The following CSMD1 variants were observed in gnomAD, a reference collection of about 807,000 sequenced individuals.
CSMD1 encodes the protein CUB and sushi domain-containing protein 1.
CSMD1 carries 213 observed loss-of-function variants against 417.5 expected under a neutral mutation model. The ratio of observed to expected loss-of-function variants is 0.51; its 90% CI spans 0.46 to 0.57. The LOEUF is 0.57. Among genes scored for constraint, CSMD1 ranks in the 20% least tolerant of loss-of-function variants. CSMD1 has a pLI of 0.00. For synonymous variants in CSMD1, 2,862 were observed against 1,736.8 expected (o/e 1.65, Z -16.11); for missense variants, 6,923 against 4,529.7 (o/e 1.53, Z -15.17).
intron 5 of CSMD1, among the ~76,000 whole-genome samples, chr8:3,815,859 G>C (rs115227943): frequency 6.6e-6 from 1 of 152,120 alleles, no homozygotes; most frequent in Admixed American, 6.5e-5. Context: ...AGAAACTAGA[G>C]CCAGTGATGC....
intron 6 of CSMD1, among the ~76,000 whole-genome samples, chr8:3,710,232 T>C (rs1278687131): frequency 6.6e-6 from 1 of 152,140 alleles, no homozygotes; most frequent in Non-Finnish European, 1.5e-5. Context: ...GAACAGAGTC[T>C]AAAAATAAGT....
intron 7 of CSMD1, among the ~76,000 whole-genome samples, chr8:3,621,601 T>C (rs1796245601): frequency 6.6e-6 from 1 of 152,092 alleles, no homozygotes; most frequent in Non-Finnish European, 1.5e-5. Context: ...TTACTTTTTT[T>C]TCTTTTTTTG....
intron 3 of CSMD1, among the ~76,000 whole-genome samples, chr8:4,061,084 T>C (rs1014151295): frequency 3.9e-5 from 6 of 152,214 alleles, no homozygotes; most frequent in Non-Finnish European, 8.8e-5. Flanking sequence ...GTTTGTTGTA[T>C]TATTTTTGTT....
intron 3 of CSMD1, among the ~76,000 whole-genome samples, chr8:4,060,517 G>C (rs1457930405): frequency 6.6e-6 from 1 of 152,158 alleles, no homozygotes; most frequent in African/African-American, 2.4e-5. Flanking sequence ...GAAAAACAAA[G>C]GGGATGTCGG....
intron 3 of CSMD1, among the ~76,000 whole-genome samples, chr8:4,104,270 T>G (rs1488641276): frequency 2.0e-5 from 3 of 152,348 alleles, no homozygotes; most frequent in African/African-American, 7.2e-5. Context: ...TCTCACTCCA[T>G]CTTTTCTTTT....
chr8:3,320,659 C>T (rs1429152755), intron 23 of CSMD1, among the ~76,000 whole-genome samples: 1 of 152,188 alleles, frequency 6.6e-6, no homozygotes, highest in Non-Finnish European at 1.5e-5. Flanking sequence ...CATTGGGACG[C>T]AAGAGCGCAG....
chr8:4,454,522 G>C lies in CSMD1; in HGVS notation c.303-34457C>G, dbSNP rs557277249. On this transcript the variant is annotated intron_variant, in intron 2 of 69. Transcript: ENST00000635120. Reference sequence around the variant, plus strand: ...TACAATCCTTGGAAGCAAAGAAAAAGTGTGGTTTCTGATTTCTAATACAGA... The same window carrying C: ...TACAATCCTTGGAAGCAAAGAAAAACTGTGGTTTCTGATTTCTAATACAGA... Among the ~76,000 whole-genome samples, 10 of 152,250 alleles carry C rather than the reference G, an allele frequency of 6.6e-5. No individual in the cohort carries two copies. The East Asian group carries it at 7.8e-4, about 12-fold the overall frequency.
chr8:3,292,220 A>T (rs978569416), intron 25 of CSMD1, among the ~76,000 whole-genome samples: 1 of 151,986 alleles, frequency 6.6e-6, no homozygotes, highest in Non-Finnish European at 1.5e-5. Flanking sequence ...GTTCCTTTAC[A>T]TTTGCTGAGG....
chr8:4,518,047 C>T (rs1010380762), intron 2 of CSMD1, among the ~76,000 whole-genome samples: 4 of 152,130 alleles, frequency 2.6e-5, no homozygotes, highest in South Asian at 2.1e-4. Context: ...CTGCACAGCT[C>T]ACGGAAAGGT....
At chr8:3,048,237 G>T (rs561470266) in intron 50 of CSMD1, among the ~76,000 whole-genome samples, 26 of 152,156 alleles carry the variant, frequency 1.7e-4, no homozygotes, top group African/African-American at 6.0e-4. Context: ...CGATCTTGTA[G>T]GAAACTGGGA....
chr8:4,897,867 T>G (rs1409609081), intron 1 of CSMD1, among the ~76,000 whole-genome samples: 1 of 152,152 alleles, frequency 6.6e-6, no homozygotes, highest in Admixed American at 6.5e-5. Flanking sequence ...CTAGATTTTG[T>G]AGTCTCTACA....
At chr8:3,431,802 T>C (rs905815896) in intron 12 of CSMD1, among the ~76,000 whole-genome samples, 16 of 152,214 alleles carry the variant, frequency 1.1e-4, no homozygotes, top group Admixed American at 2.0e-4. Flanking sequence ...TTCATAACAT[T>C]GGAGAAAACA....
chr8:4,964,502 C>A (rs4242495), intron 1 of CSMD1, among the ~76,000 whole-genome samples: 78,166 of 106,464 alleles, frequency 0.73, 27,616 homozygotes, highest in Middle Eastern at 0.83. Flanking sequence ...ACCCTGTCTC[C>A]AAAAAAAAAA....
At chr8:4,846,981 T>A (rs751983594) in intron 1 of CSMD1, among the ~76,000 whole-genome samples, 1 of 152,184 alleles carries the variant, frequency 6.6e-6, no homozygotes, top group African/African-American at 2.4e-5. Flanking sequence ...TCAAGATCCC[T>A]TACATCATTT....
At chr8:4,685,597 G>C (rs1335000878) in intron 1 of CSMD1, among the ~76,000 whole-genome samples, 4 of 151,882 alleles carry the variant, frequency 2.6e-5, no homozygotes, top group Non-Finnish European at 5.9e-5. Context: ...AAGAAAGAAA[G>C]AAAGAAAGAA....
chr8:3,621,972 TCTC>T (rs1796264126), intron 7 of CSMD1, among the ~76,000 whole-genome samples: 1 of 135,628 alleles, frequency 7.4e-6, no homozygotes. Flanking sequence ...TGTCTCTCTC[TCTC>T]TTTGTGTGTG....
chr8:4,918,544 C>G (rs956855843), intron 1 of CSMD1, among the ~76,000 whole-genome samples: 3 of 151,838 alleles, frequency 2.0e-5, no homozygotes, highest in African/African-American at 4.8e-5. Flanking sequence ...AAAAAAAAAG[C>G]CAATTTCCAA....
intron 7 of CSMD1, among the ~76,000 whole-genome samples, chr8:3,656,155 G>C (rs1293714035): frequency 6.6e-6 from 1 of 152,254 alleles, no homozygotes; most frequent in Non-Finnish European, 1.5e-5. Flanking sequence ...CTTTAGGAAG[G>C]GCTGTATGTA....
intron 3 of CSMD1, among the ~76,000 whole-genome samples, chr8:4,301,581 ATT>A (rs1437015484): frequency 6.6e-6 from 1 of 152,170 alleles, no homozygotes; most frequent in African/African-American, 2.4e-5. Context: ...CTCAATTATT[ATT>A]TTTTTGTCAA....
Sources: gnomAD v4.1 joint callset for allele counts (sites outside exome capture counted in the v4.1 genomes callset) on GRCh38, gnomAD v4.1.1 for gene constraint, MANE v1.5 for transcripts, NCBI Gene and HGNC (gene_info 2026-07-23, HGNC 2026-07-21) for gene names.